Variants in WWOX observed in about 807,000 individuals in gnomAD.
WWOX encodes the protein WW domain containing oxidoreductase, also known as WW domain-containing oxidoreductase.
In WWOX, 69 loss-of-function variants were observed where a neutral mutation model predicts 46.2. The observed-to-expected ratio is 1.49, with a 90% confidence interval of 1.23 to 1.82. WWOX has a LOEUF of 1.82. Ranked by LOEUF, WWOX falls within the 40% of genes most tolerant of loss-of-function variation. The probability of loss-of-function intolerance (pLI) is 0.00; values close to 1 mark genes in which losing one functional copy is unlikely to be tolerated. For synonymous variants in WWOX, 359 were observed against 202.6 expected, an observed-to-expected ratio of 1.77 and a Z score of -6.56; for missense variants, 919 against 542.6, an observed-to-expected ratio of 1.69 and a Z score of -6.89.
At chr16:78,810,740 C>A (rs1053011375) in intron 8 of WWOX, among the ~76,000 whole-genome samples, 1 of 152,114 alleles carries the variant, frequency 6.6e-6, no homozygotes, top group Non-Finnish European at 1.5e-5. Context: ...AGATTTGCTC[C>A]CTTCTGTAGG....
intron 8 of WWOX, among the ~76,000 whole-genome samples, chr16:78,636,384 A>G (rs576405525): frequency 6.6e-6 from 1 of 152,278 alleles, no homozygotes; most frequent in African/African-American, 2.4e-5. Context: ...TAATCATCAG[A>G]CTTTCAGTGT....
intron 8 of WWOX, among the ~76,000 whole-genome samples, chr16:78,616,382 C>G (rs1413716640): frequency 6.6e-6 from 1 of 152,110 alleles, no homozygotes. Context: ...GATTCAGTGT[C>G]CGGTGAGGAT....
intron 8 of WWOX, among the ~76,000 whole-genome samples, chr16:78,577,333 T>C (rs1174945108): frequency 6.6e-6 from 1 of 152,226 alleles, no homozygotes; most frequent in African/African-American, 2.4e-5. Flanking sequence ...TTTAAAACCT[T>C]GTTCAGATTT....
intron 8 of WWOX, among the ~76,000 whole-genome samples, chr16:78,586,017 G>A (rs1441186056): frequency 6.6e-6 from 1 of 151,854 alleles, no homozygotes; most frequent in Non-Finnish European, 1.5e-5. Flanking sequence ...GGGCAATATA[G>A]CAAGATGTCA....
chr16:78,608,919 C>A (rs574840116), intron 8 of WWOX, among the ~76,000 whole-genome samples: 11 of 152,030 alleles, frequency 7.2e-5, no homozygotes, highest in African/African-American at 2.4e-4. Flanking sequence ...CCTATATGCT[C>A]GAAACGATTT....
At chr16:79,161,029 C>T (rs1319180506) in intron 8 of WWOX, among the ~76,000 whole-genome samples, 1 of 152,170 alleles carries the variant, frequency 6.6e-6, no homozygotes, top group Non-Finnish European at 1.5e-5. Context: ...ATTTCCATTA[C>T]TCTGACTATG....
chr16:79,038,762 C>G (rs995735616), intron 8 of WWOX, among the ~76,000 whole-genome samples: 3 of 152,162 alleles, frequency 2.0e-5, no homozygotes, highest in South Asian at 4.1e-4. Context: ...ATTGGCCAGA[C>G]TGCTCTTGAA....
At chr16:78,698,450 A>G (rs1012764636) in intron 8 of WWOX, among the ~76,000 whole-genome samples, 2 of 152,154 alleles carry the variant, frequency 1.3e-5, no homozygotes, top group Middle Eastern at 3.2e-3. Flanking sequence ...GCTCCTTTTT[A>G]AGCTTTTAAT....
At chr16:78,216,134 A>G (rs1425494700) in intron 5 of WWOX, among the ~76,000 whole-genome samples, 7 of 152,160 alleles carry the variant, frequency 4.6e-5, no homozygotes, top group Admixed American at 2.6e-4. Context: ...TTCCATCTCA[A>G]TTTGTTTCTG....
intron 8 of WWOX, among the ~76,000 whole-genome samples, chr16:78,599,887 G>C (rs563744293): frequency 1.3e-5 from 2 of 152,114 alleles, no homozygotes; most frequent in Non-Finnish European, 2.9e-5. Context: ...GTCAACCACC[G>C]CATTTCTAGG....
chr16:78,818,085 C>A (rs1030419833), intron 8 of WWOX, among the ~76,000 whole-genome samples: 1 of 152,158 alleles, frequency 6.6e-6, no homozygotes, highest in Non-Finnish European at 1.5e-5. Flanking sequence ...CAGAGCTAAT[C>A]CCTATTGGGC....
chr16:78,982,109 T>TG (rs1193956680), intron 8 of WWOX, among the ~76,000 whole-genome samples: 2 of 152,166 alleles, frequency 1.3e-5, no homozygotes, highest in African/African-American at 4.8e-5. Flanking sequence ...CTAAACTCCG[T>TG]GGGGTTTGTA....
intron 8 of WWOX, among the ~76,000 whole-genome samples, chr16:78,796,184 C>A (rs146499093): frequency 1.6e-3 from 243 of 152,284 alleles, no homozygotes; most frequent in African/African-American, 5.7e-3. Context: ...ACTGTTAACT[C>A]CTAGAACTGT....
intron 8 of WWOX, among the ~76,000 whole-genome samples, chr16:78,909,376 G>T (rs889918845): frequency 6.6e-6 from 1 of 152,170 alleles, no homozygotes; most frequent in African/African-American, 2.4e-5. Context: ...TCTCTGTTCA[G>T]CTGTTAAGAT....
At position 78,330,334 on chromosome 16, in the gene WWOX, A is replaced by G. The variant is rs377391178; in HGVS notation, c.517-56526A>G. ...ATTAAAGAAAATTAATATTTCCAAC[A>G]AGCCAAAGCTCTATGTAAATGTCCT... On this transcript the variant is annotated intron_variant, in intron 5 of 8. Transcript: ENST00000566780. Among the ~76,000 whole-genome samples the G allele has an allele frequency of 2.3e-3, 348 of 152,318 alleles. 1 individual carries two copies. Among genetic ancestry groups the G allele is most frequent in the Non-Finnish European group, 3.6e-3 (246 of 68,028 alleles).
rs944916977 is a variant in WWOX, at chr16:78,099,957, G to A, written c.107+72G>A. Reference sequence around the variant, plus strand: ...AGCCCACGGACGCCACCTGCGCGGGGAGGACGCGCACTCCAGCGCAGCGCG... The same window carrying A: ...AGCCCACGGACGCCACCTGCGCGGGAAGGACGCGCACTCCAGCGCAGCGCG... On this transcript the variant is annotated intron_variant, in intron 1 of 8. Coordinates refer to ENST00000566780, the MANE Select transcript of WWOX (RefSeq NM_016373.4). 2.6e-6 allele frequency: 4 copies of A among 1,529,536 alleles called. No homozygotes were observed. In the African/African-American group the frequency reaches 5.6e-5, roughly 21 times the overall value. The allele number at this position is 1,529,536 out of a possible 1,614,324, so 94.7% of individuals were successfully genotyped here.
intron 8 of WWOX, among the ~76,000 whole-genome samples, chr16:78,743,291 G>A (rs1220493573): frequency 6.6e-6 from 1 of 152,130 alleles, no homozygotes; most frequent in African/African-American, 2.4e-5. Context: ...TCAGAGACCA[G>A]TATTCCCTCA....
intron 8 of WWOX, among the ~76,000 whole-genome samples, chr16:78,582,397 G>C (rs1205538089): frequency 6.6e-6 from 1 of 152,140 alleles, no homozygotes; most frequent in Admixed American, 6.5e-5. Flanking sequence ...TACAAAGTGG[G>C]AGTATCAATT....
chr16:78,684,606 C>G (rs553744706), intron 8 of WWOX, among the ~76,000 whole-genome samples: 3 of 152,266 alleles, frequency 2.0e-5, no homozygotes, highest in African/African-American at 7.2e-5. Flanking sequence ...CATGTGGGAC[C>G]TCACAGAACA....
Sources: allele counts gnomAD v4.1 joint callset (sites outside exome capture counted in the v4.1 genomes callset), GRCh38; gene constraint gnomAD v4.1.1; transcripts MANE v1.5; gene names NCBI Gene and HGNC (gene_info 2026-07-23, HGNC 2026-07-21).